LRRC4C: variants seen among roughly 807,000 people sequenced by gnomAD.
LRRC4C encodes the protein leucine rich repeat containing 4C, also known as leucine-rich repeat-containing protein 4C.
LRRC4C carries 5 observed loss-of-function variants against 33.6 expected under a neutral mutation model. The observed-to-expected ratio is 0.15, with a 90% CI of 0.08 to 0.31. The LOEUF (loss-of-function observed/expected upper bound fraction) is 0.31. Among genes scored for constraint, LRRC4C ranks in the 10% least tolerant of loss-of-function variants. LRRC4C has a pLI of 1.00. For missense variants in LRRC4C, 560 were observed against 796.7 expected (o/e 0.70, Z 3.58); for synonymous variants, 329 against 302.0 (o/e 1.09, Z -0.93).
chr11:40,428,084 G>T (rs1293767688), intron 3 of LRRC4C, among the ~76,000 whole-genome samples: 1 of 152,044 alleles, frequency 6.6e-6, no homozygotes, highest in Non-Finnish European at 1.5e-5. Context: ...TAAAATTCAA[G>T]TTAATATCTG....
intron 2 of LRRC4C, among the ~76,000 whole-genome samples, chr11:40,898,679 T>C (rs1956076462): frequency 6.6e-6 from 1 of 152,116 alleles, no homozygotes; most frequent in Non-Finnish European, 1.5e-5. Context: ...GGCAGACCTT[T>C]GTGTTACAAT....
At chr11:40,801,608 T>C (rs1157610349) in intron 2 of LRRC4C, among the ~76,000 whole-genome samples, 1 of 152,220 alleles carries the variant, frequency 6.6e-6, no homozygotes, top group Non-Finnish European at 1.5e-5. Flanking sequence ...TAGAGAAATG[T>C]ATAATCTTCT....
intron 1 of LRRC4C, among the ~76,000 whole-genome samples, chr11:41,030,482 G>A (rs780663240): frequency 6.6e-6 from 1 of 151,752 alleles, no homozygotes; most frequent in Non-Finnish European, 1.5e-5. Context: ...CAGAATTGCA[G>A]GAGGGAGCGT....
chr11:40,594,028 C>T (rs1256210133), intron 3 of LRRC4C, among the ~76,000 whole-genome samples: 2 of 152,138 alleles, frequency 1.3e-5, no homozygotes, highest in Admixed American at 1.3e-4. Context: ...AGCTCAAATA[C>T]TATCTAGGTC....
intron 5 of LRRC4C, among the ~76,000 whole-genome samples, chr11:40,190,518 T>G (rs1005129515): frequency 1.3e-5 from 2 of 152,204 alleles, no homozygotes; most frequent in African/African-American, 4.8e-5. Context: ...CACTGCTGAA[T>G]TCTAGATATG....
At chr11:40,234,985 T>C (rs1167042168) in intron 5 of LRRC4C, among the ~76,000 whole-genome samples, 1 of 152,222 alleles carries the variant, frequency 6.6e-6, no homozygotes, top group African/African-American at 2.4e-5. Context: ...CTTTGGATAC[T>C]TTTGGATGAA....
At chr11:41,317,657 A>G (rs1181670219) in intron 1 of LRRC4C, among the ~76,000 whole-genome samples, 2 of 152,062 alleles carry the variant, frequency 1.3e-5, no homozygotes, top group Non-Finnish European at 2.9e-5. Context: ...AGTAATACTA[A>G]GGACCCGTCA....
intron 1 of LRRC4C, among the ~76,000 whole-genome samples, chr11:41,411,198 G>T (rs1450298053): frequency 8.7e-6 from 1 of 114,772 alleles, no homozygotes; most frequent in African/African-American, 3.7e-5. Context: ...GCCCAGGCTG[G>T]AGTGCAGTGG....
At chr11:40,734,706 A>C (rs973307858) in intron 2 of LRRC4C, among the ~76,000 whole-genome samples, 1 of 152,162 alleles carries the variant, frequency 6.6e-6, no homozygotes, top group Non-Finnish European at 1.5e-5. Context: ...GTTTCTTTAC[A>C]ATCTAAAAAA....
chr11:40,538,482 TTAG>T (rs1956569202), intron 3 of LRRC4C, among the ~76,000 whole-genome samples: 1 of 152,174 alleles, frequency 6.6e-6, no homozygotes, highest in Non-Finnish European at 1.5e-5. Context: ...TTGTGGCTGC[TTAG>T]TATTCCATGG....
At chr11:40,284,051 A>G (rs954260420) in intron 4 of LRRC4C, among the ~76,000 whole-genome samples, 4 of 152,128 alleles carry the variant, frequency 2.6e-5, no homozygotes, top group African/African-American at 9.7e-5. Flanking sequence ...GGTTTTTGCC[A>G]AATACATATA....
intron 2 of LRRC4C, among the ~76,000 whole-genome samples, chr11:40,897,728 A>G (rs1490380539): frequency 1.3e-5 from 2 of 152,224 alleles, no homozygotes; most frequent in African/African-American, 2.4e-5. Context: ...TAGCCAAAGT[A>G]CATGAATCAC....
chr11:40,213,310 G>T (rs937593974), intron 5 of LRRC4C, among the ~76,000 whole-genome samples: 1 of 152,158 alleles, frequency 6.6e-6, no homozygotes, highest in African/African-American at 2.4e-5. Context: ...AAGGGCAAAA[G>T]GAATGGTATT....
chr11:40,277,592 T>C (rs1415188711), intron 4 of LRRC4C, among the ~76,000 whole-genome samples: 2 of 152,070 alleles, frequency 1.3e-5, no homozygotes, highest in Admixed American at 6.6e-5. Flanking sequence ...GCGGTAGTAG[T>C]AAGTAGTCCC....
intron 3 of LRRC4C, among the ~76,000 whole-genome samples, chr11:40,421,409 G>C (rs1590682424): frequency 6.6e-6 from 1 of 152,180 alleles, no homozygotes; most frequent in East Asian, 1.9e-4. Context: ...CTTTGTAATA[G>C]GGCCTCCAGC....
chr11:41,074,753 C>T (rs1258847898), intron 1 of LRRC4C, among the ~76,000 whole-genome samples: 1 of 152,106 alleles, frequency 6.6e-6, no homozygotes, highest in Non-Finnish European at 1.5e-5. Context: ...ATTTAAGAGC[C>T]AACCCTCTGC....
chr11:41,163,067 G>T (rs76791260), intron 1 of LRRC4C, among the ~76,000 whole-genome samples: 7,355 of 151,972 alleles, frequency 0.048, 204 homozygotes, highest in East Asian at 0.069. Flanking sequence ...AGATCTGATG[G>T]TTTTATCAGA....
At chr11:41,443,523 A>T (rs534635232) in intron 1 of LRRC4C, among the ~76,000 whole-genome samples, 6 of 152,120 alleles carry the variant, frequency 3.9e-5, no homozygotes, top group Admixed American at 6.6e-5. Flanking sequence ...AGTAAAATAA[A>T]ATAAGGAAAC....
At chr11:40,555,153 A>G (rs1192339190) in intron 3 of LRRC4C, among the ~76,000 whole-genome samples, 2 of 152,098 alleles carry the variant, frequency 1.3e-5, no homozygotes, top group Admixed American at 1.3e-4. Flanking sequence ...TTTTTGGTGG[A>G]GTCTTTAGGA....
Sources: allele counts gnomAD v4.1 joint callset (sites outside exome capture counted in the v4.1 genomes callset), GRCh38; gene constraint gnomAD v4.1.1; transcripts MANE v1.5; gene names NCBI Gene and HGNC (gene_info 2026-07-23, HGNC 2026-07-21).